FKRP: variants seen among roughly 807,000 people sequenced by gnomAD.
The protein encoded by FKRP is fukutin related protein, also known as ribitol 5-phosphate transferase FKRP.
FKRP carries 25 observed loss-of-function variants against 30.6 expected under a neutral mutation model. The observed-to-expected ratio is 0.82, with a 90% confidence interval of 0.60 to 1.14. The LOEUF is 1.14. FKRP is among the 50% of genes most tolerant of loss of function. The pLI, the probability that FKRP is intolerant of heterozygous loss-of-function variation, is 0.00. For synonymous variants in FKRP, 358 were observed against 342.5 expected, an observed-to-expected ratio of 1.05 and a Z score of -0.50; for missense variants, 771 against 727.8, an observed-to-expected ratio of 1.06 and a Z score of -0.68.
At chr19:46,755,348 G>A (rs1276648190) in intron 3 of FKRP, 64 bp from the exon 4 acceptor site, 1 of 1,048,566 alleles carries the variant, frequency 9.5e-7, no homozygotes, top group South Asian at 1.6e-5. Flanking sequence ...GCAAGGCTGA[G>A]GGTGGCAGAA....
intron 3 of FKRP, chr19:46,754,234 C>T (rs1233643432): frequency 6.6e-6 from 1 of 151,964 alleles, no homozygotes; most frequent in Non-Finnish European, 1.5e-5. Context: ...GATGAAGTCT[C>T]CTTATGTTAC....
rs1013218881 is a variant in FKRP, at chr19:46,758,048, C to T, written c.*1110C>T. The T allele has an allele frequency of 6.0e-6, 1 of 167,200 alleles. No homozygotes were observed. Among genetic ancestry groups the T allele is most frequent in the Non-Finnish European group, 1.5e-5 (1 of 68,156 alleles). The allele number at this position is 167,200 out of a possible 1,614,324, so 10.4% of individuals were successfully genotyped here. ...ACCATAGCTCACACTCACTGAGCAC[C>T]TACTGGGTACCAGGCACCATTCTCA... On this transcript the variant is annotated 3_prime_UTR_variant, in exon 4 of 4. Transcript: ENST00000318584.
intron 3 of FKRP, chr19:46,754,123 A>C (rs1294823936): frequency 6.6e-6 from 1 of 152,004 alleles, no homozygotes; most frequent in Non-Finnish European, 1.5e-5. Context: ...TGGCATGATC[A>C]TGGCTCACTG....
At chr19:46,747,576 T>C (rs2122510849) in intron 1 of FKRP, 2 of 151,902 alleles carry the variant, frequency 1.3e-5, no homozygotes, top group Non-Finnish European at 2.9e-5. Flanking sequence ...TTTTTATTTT[T>C]AGTAAAGACG....
chr19:46,749,563 A>C, intron 3 of FKRP, among the ~76,000 whole-genome samples: 1 of 151,352 alleles, frequency 6.6e-6, no homozygotes. Context: ...CATCTCTACT[A>C]AAAATACAAA....
intron 1 of FKRP, 166 bp downstream of exon 1, chr19:46,746,256 C>A (rs770056978): frequency 1.0e-5 from 15 of 1,494,590 alleles, no homozygotes; most frequent in Non-Finnish European, 1.3e-5. Flanking sequence ...GGCTCCGGGC[C>A]CGCCGTGGGC....
intron 3 of FKRP, among the ~76,000 whole-genome samples, chr19:46,751,592 T>C (rs574517457): frequency 7.1e-6 from 1 of 140,528 alleles, no homozygotes; most frequent in East Asian, 2.1e-4. Context: ...GGAGTCTTGC[T>C]CTGTCGCCCA....
chr19:46,746,040 C>CT (rs2054589471), upstream of FKRP: 4 of 1,182,318 alleles, frequency 3.4e-6, no homozygotes, highest in Non-Finnish European at 4.3e-6. Flanking sequence ...CGCCCCCCCG[C>CT]CGGCCGTCCC....
At chr19:46,746,501 C>CT (rs914668227) in intron 1 of FKRP, 2 of 851,162 alleles carry the variant, frequency 2.3e-6, no homozygotes, top group South Asian at 5.4e-5. Flanking sequence ...ACACCCCCCC[C>CT]CCTCCCCCGC....
At chr19:46,746,501 C>T (rs948738842) in intron 1 of FKRP, 15 of 851,232 alleles carry the variant, frequency 1.8e-5, no homozygotes, top group South Asian at 1.6e-4. Context: ...ACACCCCCCC[C>T]CCTCCCCCGC....
Position 46,758,258 on chromosome 19 carries a change from C to T in FKRP, c.*1320C>T, listed in dbSNP as rs116772963. 6.0e-6 allele frequency: 1 copy of T among 167,068 alleles called. No individual in the cohort carries two copies. Among genetic ancestry groups the T allele is most frequent in the Admixed American group, 6.5e-5 (1 of 15,282 alleles). The allele number at this position is 167,068 out of a possible 1,614,324, so 10.3% of individuals were successfully genotyped here. ...CCAGGTGGTCAGGCTCTGGAGCCCA[C>T]AATTGTCTTACCCACTATGCCCCTC... On this transcript the variant is annotated 3_prime_UTR_variant, in exon 4 of 4. Coordinates refer to ENST00000318584, the MANE Select transcript of FKRP (RefSeq NM_024301.5).
At chr19:46,753,669 T>C (rs1410569828) in intron 3 of FKRP, among the ~76,000 whole-genome samples, 1 of 151,648 alleles carries the variant, frequency 6.6e-6, no homozygotes, top group African/African-American at 2.4e-5. Context: ...ACTTGTGCTT[T>C]AGGAAGACTC....
chr19:46,751,728 G>T (rs2054797286), intron 3 of FKRP, among the ~76,000 whole-genome samples: 1 of 151,916 alleles, frequency 6.6e-6, no homozygotes. Flanking sequence ...ACCGCGCCTG[G>T]CTAATTTTTT....
intron 1 of FKRP, 163 bp downstream of exon 1, chr19:46,746,253 GGCCCGCCGT>G (rs751915804): frequency 1.3e-6 from 2 of 1,493,694 alleles, no homozygotes; most frequent in South Asian, 2.5e-5. Flanking sequence ...AGGGGCTCCG[GGCCCGCCGT>G]GGGCCCGGGG....
At chr19:46,751,275 G>A (rs2054786670) in intron 3 of FKRP, among the ~76,000 whole-genome samples, 1 of 152,008 alleles carries the variant, frequency 6.6e-6, no homozygotes, top group Admixed American at 6.6e-5. Flanking sequence ...TGTTGTCCAG[G>A]CTGATCTGAA....
In FKRP at chr19:46,746,460, C is replaced by T; in HGVS notation, c.-253+370C>T. Reference sequence around the variant, plus strand: ...GCCCCGGGGCCGGCCTGCGCGCCCGCTGTGCCTCGCGCGCCTGCGCGGCCG... The same window carrying T: ...GCCCCGGGGCCGGCCTGCGCGCCCGTTGTGCCTCGCGCGCCTGCGCGGCCG... On this transcript the variant is annotated intron_variant, in intron 1 of 3. Coordinates refer to ENST00000318584, the MANE Select transcript of FKRP (RefSeq NM_024301.5). The T allele has an allele frequency of 3.0e-6, 3 of 990,640 alleles. No homozygotes were observed. In the South Asian group the frequency reaches 1.4e-4, roughly 46 times the overall value. The allele number at this position is 990,640 out of a possible 1,614,324, so 61.4% of individuals were successfully genotyped here.
upstream of FKRP, among the ~76,000 whole-genome samples, chr19:46,745,029 C>T (rs2054551355): frequency 6.6e-6 from 1 of 151,668 alleles, no homozygotes; most frequent in African/African-American, 2.4e-5. Context: ...TATCCCCTTC[C>T]CCCCAACCCC....
In FKRP at chr19:46,756,004, C is replaced by T. The variant is rs1032563159; in HGVS notation, c.554C>T (p.Ala185Val). 3 of 1,556,938 alleles carry T rather than the reference C, an allele frequency of 1.9e-6. No individual in the cohort carries two copies. The African/African-American group carries it at 4.1e-5, about 21-fold the overall frequency. The change falls in exon 4 of 4, where the codon GCC becomes GTC. Residue 185 changes from alanine to valine, a missense_variant. Coordinates refer to ENST00000318584, the MANE Select transcript of FKRP (RefSeq NM_024301.5). This position sits in a 1 kb window ranked among gnomAD's most constrained non-coding sequence, Gnocchi z 6.6. ...LREWTARYGAAPAAPRCDALD... is the reference protein window; with the variant it reads ...LREWTARYGAVPAAPRCDALD... ...GAGTGGACCGCCCGCTATGGCGCAG[C>T]CCCCGCCGCGCCCCGCTGCGACGCC...
Position 46,755,812 on chromosome 19 carries a change from T to A in FKRP, c.362T>A (p.Val121Glu), listed in dbSNP as rs1257236053. Reference sequence around the variant, plus strand: ...GCAGCCTCGCGCCCGGAGACCTACGTGGCCACCGAGTTTGTGGCCCTAGTA... The same window carrying A: ...GCAGCCTCGCGCCCGGAGACCTACGAGGCCACCGAGTTTGTGGCCCTAGTA... ...PAAASRPETY[V>E]ATEFVALVPD... Residue 121 changes from valine (V) to glutamate (E), a missense_variant, in exon 4 of 4, where the codon GTG becomes GAG. Transcript: ENST00000318584. The A allele has an allele frequency of 6.6e-7, 1 of 1,512,938 alleles. No individual in the cohort carries two copies. The highest frequency in any genetic ancestry group is 8.8e-7 in the Non-Finnish European group (1 of 1,133,456). 93.7% of individuals were successfully genotyped at this position (1,512,938 alleles called of 1,614,324 possible).
Sources: gnomAD v4.1 joint callset for allele counts (sites outside exome capture counted in the v4.1 genomes callset) on GRCh38, gnomAD v4.1.1 for gene constraint, Gnocchi (gnomAD v3.1) non-coding constraint, MANE v1.5 for transcripts, NCBI Gene and HGNC (gene_info 2026-07-23, HGNC 2026-07-21) for gene names.